The following OXSR1 variants were observed in gnomAD, a reference collection of about 807,000 sequenced individuals.
OXSR1 encodes serine/threonine-protein kinase OSR1.
A neutral mutation model predicts 79.8 loss-of-function variants in OXSR1; 24 were observed. That is an observed-to-expected ratio of 0.30 (90% CI 0.22 to 0.42). The LOEUF (loss-of-function observed/expected upper bound fraction) is 0.42. Among genes scored for constraint, OXSR1 ranks in the 10% least tolerant of loss-of-function variants. The probability of loss-of-function intolerance (pLI) is 1.00; values close to 1 mark genes in which losing one functional copy is unlikely to be tolerated. For missense variants in OXSR1, 430 were observed against 618.4 expected, an observed-to-expected ratio of 0.70 and a Z score of 3.23; for synonymous variants, 226 against 209.2, an observed-to-expected ratio of 1.08 and a Z score of -0.69.
At chr3:38,215,910 C>A (rs1488068353) in intron 4 of OXSR1, among the ~76,000 whole-genome samples, 186 bp from the exon 5 acceptor site, 1 of 152,050 alleles carries the variant, frequency 6.6e-6, no homozygotes, top group Non-Finnish European at 1.5e-5. Flanking sequence ...TTCTAGCTTT[C>A]TTTTTAATGT....
At chr3:38,204,078 C>CT (rs1428465500) in intron 4 of OXSR1, among the ~76,000 whole-genome samples, 1 of 152,190 alleles carries the variant, frequency 6.6e-6, no homozygotes, top group Non-Finnish European at 1.5e-5. Flanking sequence ...CTTCCCCCCC[C>CT]TTTCCACAAG....
intron 13 of OXSR1, 39 bp downstream of exon 13, chr3:38,246,260 A>C (rs1177499711): frequency 1.2e-6 from 2 of 1,604,128 alleles, no homozygotes; most frequent in East Asian, 2.2e-5. Flanking sequence ...ACTCCTTTGG[A>C]TAGATGAAAA....
rs917310121 is a variant in OXSR1 at position 38,169,747 on chromosome 3, C to CT, written c.70+3810dup. Among the ~76,000 whole-genome samples, 192 of 146,460 alleles carry CT rather than the reference C, an allele frequency of 1.3e-3. 1 individual carries two copies. The highest frequency in any genetic ancestry group is 3.5e-3 in the African/African-American group (140 of 39,824). The stretch of plus-strand genomic sequence containing the variant: ...TTTTTTTTTTCTTCTCATTTTCTTT[C>CT]TTTTTTTTTGAGACAGTCTTACTCT... On this transcript the variant is annotated intron_variant, in intron 1 of 17. Coordinates refer to ENST00000311806, the MANE Select transcript of OXSR1 (RefSeq NM_005109.3).
intron 3 of OXSR1, among the ~76,000 whole-genome samples, chr3:38,191,689 T>G (rs1449946601): frequency 5.3e-5 from 8 of 152,176 alleles, no homozygotes. Flanking sequence ...TTTGTTTGCT[T>G]AAGATTAGGA....
At chr3:38,228,614 A>G (rs1702739453) in intron 8 of OXSR1, among the ~76,000 whole-genome samples, 1 of 152,190 alleles carries the variant, frequency 6.6e-6, no homozygotes, top group Non-Finnish European at 1.5e-5. Context: ...TTTGTCGCCC[A>G]GGCTGGAGTA....
In OXSR1 at chr3:38,236,842, C is replaced by T. The variant is rs895952611; in HGVS notation, c.955C>T (p.Arg319Trp). The T allele has an allele frequency of 1.2e-6, 2 of 1,607,328 alleles. No individual in the cohort carries two copies. The highest frequency in any genetic ancestry group is 2.2e-5 in the East Asian group (1 of 44,682). Residue 319 changes from arginine to tryptophan, a missense_variant, in exon 11 of 18, where the codon CGG becomes TGG. Arg to Trp is a moderately radical substitution (Grantham distance 101). This residue lies in a region of OXSR1 where 276 missense variants were observed against 354.2 expected (regional missense o/e 0.78). Coordinates refer to ENST00000311806, the MANE Select transcript of OXSR1 (RefSeq NM_005109.3). ...CACTTCTCTTTCTAATGAGCAGGTT[C>T]GGAGAGTACCAGGTTCCAGTGGGCG... Reference protein sequence around the residue: ...PTISERAKKVRRVPGSSGRLH... With the variant: ...PTISERAKKVWRVPGSSGRLH...
chr3:38,199,231 A>C (rs1702118464), intron 4 of OXSR1, among the ~76,000 whole-genome samples: 1 of 151,732 alleles, frequency 6.6e-6, no homozygotes, highest in Non-Finnish European at 1.5e-5. Flanking sequence ...AATTATTAAA[A>C]GCTTTTTATA....
intron 9 of OXSR1, 40 bp from the exon 10 acceptor site, chr3:38,230,324 TA>T: frequency 7.4e-7 from 1 of 1,351,436 alleles, no homozygotes; most frequent in Non-Finnish European, 1.0e-6. Flanking sequence ...TTTGGTACCT[TA>T]AAAACTTGTA....
At chr3:38,251,368 C>A (rs1703252034) in intron 15 of OXSR1, 35 bp from the exon 16 acceptor site, 4 of 1,586,024 alleles carry the variant, frequency 2.5e-6, no homozygotes, top group Non-Finnish European at 3.5e-6. Context: ...CAAGCACGCA[C>A]AAAAAACAGA....
intron 1 of OXSR1, among the ~76,000 whole-genome samples, chr3:38,177,453 AT>A (rs1165583579): frequency 2.0e-5 from 3 of 152,230 alleles, no homozygotes; most frequent in Non-Finnish European, 4.4e-5. Context: ...CTGTTGAATG[AT>A]TTTTATCAAG....
intron 3 of OXSR1, among the ~76,000 whole-genome samples, chr3:38,197,444 G>A (rs185774165): frequency 6.6e-6 from 1 of 152,332 alleles, no homozygotes; most frequent in East Asian, 1.9e-4. Flanking sequence ...TACTTGGTGT[G>A]TGTAGTTCTG....
At position 38,246,140 on chromosome 3, in the gene OXSR1, A is replaced by T. The variant is rs762541791; in HGVS notation, c.1176A>T (p.Leu392=). The change falls in exon 13 of 18, where the codon CTA becomes CTT. Residue 392 remains leucine, a synonymous_variant. Coordinates refer to ENST00000311806, the MANE Select transcript of OXSR1 (RefSeq NM_005109.3). The part of the protein sequence containing the change: ...LQVPEQISAH[L]PQPAGQIATQ... ...TTCCAGAACAGATCTCTGCTCATCT[A>T]CCTCAGCCAGCTGGGCAGATTGCTA... 1 of 1,613,552 alleles carries T rather than the reference A, an allele frequency of 6.2e-7. No individual in the cohort carries two copies. The highest frequency in any genetic ancestry group is 8.5e-7 in the Non-Finnish European group (1 of 1,179,634).
intron 4 of OXSR1, among the ~76,000 whole-genome samples, chr3:38,200,130 T>C (rs1288436854): frequency 6.6e-6 from 1 of 152,188 alleles, no homozygotes; most frequent in Non-Finnish European, 1.5e-5. Context: ...CTGTCTGCTC[T>C]TTATTGGCAC....
At chr3:38,247,613 C>A in intron 13 of OXSR1, 55 bp from the exon 14 acceptor site, 4 of 1,270,078 alleles carry the variant, frequency 3.1e-6, no homozygotes, top group South Asian at 2.4e-5. Flanking sequence ...GACCATTAGT[C>A]ACCTCCCCAC....
In OXSR1 at chr3:38,207,030, C is replaced by T. The variant is rs148820408; in HGVS notation, c.434+8167C>T. Reference sequence around the variant, plus strand: ...TATTTAGCACACAAGAATCAGTGAACGGTCATTGTCATTATTTTGTACACC... The same window carrying T: ...TATTTAGCACACAAGAATCAGTGAATGGTCATTGTCATTATTTTGTACACC... On this transcript the variant is annotated intron_variant, in intron 4 of 17. Coordinates refer to ENST00000311806, the MANE Select transcript of OXSR1 (RefSeq NM_005109.3). Among the ~76,000 whole-genome samples the T allele has an allele frequency of 4.4e-3, 669 of 152,270 alleles. 2 individuals carry two copies. The highest frequency in any genetic ancestry group is 7.8e-3 in the Non-Finnish European group (531 of 68,024).
intron 11 of OXSR1, among the ~76,000 whole-genome samples, chr3:38,239,788 TC>T (rs1199676693): frequency 2.0e-5 from 3 of 152,206 alleles, no homozygotes; most frequent in Admixed American, 6.6e-5. Flanking sequence ...TGCCTTGGTC[TC>T]CCGGTCTCTT....
chr3:38,234,362 A>G (rs1022190039), intron 10 of OXSR1, among the ~76,000 whole-genome samples: 1 of 152,198 alleles, frequency 6.6e-6, no homozygotes, highest in Non-Finnish European at 1.5e-5. Context: ...ATGATAAGGG[A>G]CTTGTATCTA....
intron 1 of OXSR1, among the ~76,000 whole-genome samples, chr3:38,170,990 T>C (rs1174295949): frequency 6.6e-6 from 1 of 152,208 alleles, no homozygotes; most frequent in East Asian, 1.9e-4. Flanking sequence ...TTGTCCAGGC[T>C]GGTCTCTACT....
Position 38,223,808 on chromosome 3 carries a change from G to T in OXSR1, c.601-4G>T, listed in dbSNP as rs1702636634. The T allele has an allele frequency of 1.3e-6, 2 of 1,598,040 alleles. No individual in the cohort carries two copies. Among genetic ancestry groups the T allele is most frequent in the East Asian group, 4.5e-5 (2 of 44,556 alleles). ...AAAAATAATCATGCAAATCTGTTTT[G>T]CAGGTCCGTGGTTATGATTTCAAAG... On this transcript the variant is annotated splice_polypyrimidine_tract_variant and splice_region_variant and intron_variant, in intron 6 of 17. Transcript: ENST00000311806.
Sources: gnomAD v4.1 joint callset for allele counts (sites outside exome capture counted in the v4.1 genomes callset) on GRCh38, gnomAD v4.1.1 for gene constraint, gnomAD v4.1.1 regional missense constraint, MANE v1.5 for transcripts, NCBI Gene and HGNC (gene_info 2026-07-23, HGNC 2026-07-21) for gene names.